Variants in AMN1 observed in about 807,000 individuals in gnomAD.
AMN1 encodes protein AMN1 homolog.
In AMN1, 20 loss-of-function variants were observed where a neutral mutation model predicts 33.0. The observed-to-expected ratio is 0.61, with a 90% CI of 0.43 to 0.88. The LOEUF is 0.88. Among genes scored for constraint, AMN1 ranks in the 40% least tolerant of loss-of-function variants. The pLI, the probability that AMN1 is intolerant of heterozygous loss-of-function variation, is 0.00. For synonymous variants in AMN1, 114 were observed against 111.9 expected (o/e 1.02, Z -0.12); for missense variants, 246 against 307.4 (o/e 0.80, Z 1.49).
Position 31,687,227 on chromosome 12 carries a change from T to A in AMN1, c.703+1780A>T, listed in dbSNP as rs1938303300. ...CTTAAGAAATGTCTTTGCATAAAGA[T>A]CTAATCTTCACTACAGATGTCACTG... On this transcript the variant is annotated intron_variant, in intron 6 of 6. Transcript: ENST00000281471. This position sits in a 1 kb window ranked among gnomAD's most constrained non-coding sequence, Gnocchi z 4.1. Among the ~76,000 whole-genome samples, 3 of 152,146 alleles carry A rather than the reference T, an allele frequency of 2.0e-5. No individual in the cohort carries two copies. The highest frequency in any genetic ancestry group is 7.2e-5 in the African/African-American group (3 of 41,432).
In AMN1 at chr12:31,697,429, GA is replaced by G; in HGVS notation, c.535-13del. 1 of 1,610,828 alleles carries G rather than the reference GA, an allele frequency of 6.2e-7. No homozygotes were observed. Among genetic ancestry groups the G allele is most frequent in the Non-Finnish European group, 8.5e-7 (1 of 1,178,608 alleles). ...CCACTGTCAGATACCTAAGCAAAGGGAAAAAGAAACACAGTCCATGAATCCA... is the reference window on the plus strand; with the variant it reads ...CCACTGTCAGATACCTAAGCAAAGGGAAAAGAAACACAGTCCATGAATCCA... On this transcript the variant is annotated splice_polypyrimidine_tract_variant and intron_variant, in intron 4 of 6. Coordinates refer to ENST00000281471, the MANE Select transcript of AMN1 (RefSeq NM_001113402.2).
intron 6 of AMN1, among the ~76,000 whole-genome samples, chr12:31,680,840 C>T (rs977751064): frequency 1.3e-5 from 2 of 151,900 alleles, no homozygotes; most frequent in African/African-American, 4.8e-5. Flanking sequence ...TGTGAGCAAC[C>T]ATATGAATAT....
At chr12:31,677,533 C>A (rs1368213685) in intron 6 of AMN1, among the ~76,000 whole-genome samples, 1 of 152,148 alleles carries the variant, frequency 6.6e-6, no homozygotes, top group Admixed American at 6.5e-5. Flanking sequence ...GTGGGGCAAG[C>A]CACTTAAATC....
At chr12:31,708,621 CT>C in intron 2 of AMN1, 1 of 159,876 alleles carries the variant, frequency 6.3e-6, no homozygotes, top group South Asian at 1.8e-4. Context: ...CATTCCTCCC[CT>C]TTTGAAATCC....
At chr12:31,682,830 C>T (rs1040835171) in intron 6 of AMN1, among the ~76,000 whole-genome samples, 2 of 152,126 alleles carry the variant, frequency 1.3e-5, no homozygotes, top group Non-Finnish European at 2.9e-5. Context: ...CCAGCATTTA[C>T]CAACTGTGAT....
chr12:31,714,111 A>C (rs536578016), intron 1 of AMN1, among the ~76,000 whole-genome samples: 1 of 152,270 alleles, frequency 6.6e-6, no homozygotes, highest in East Asian at 1.9e-4. Context: ...ATATTATTAT[A>C]TTCTCAAAGC....
At chr12:31,689,177 G>A (rs1031751556) in intron 5 of AMN1, 59 bp from the exon 6 acceptor site, 10 of 1,141,112 alleles carry the variant, frequency 8.8e-6, no homozygotes, top group Non-Finnish European at 1.0e-5. Context: ...ATAACAGTAT[G>A]AACAATTTTG....
At chr12:31,695,857 C>CA (rs1439414079) in intron 5 of AMN1, among the ~76,000 whole-genome samples, 4 of 151,856 alleles carry the variant, frequency 2.6e-5, no homozygotes, top group East Asian at 3.9e-4. Context: ...TATAAAATCA[C>CA]AAAAAAGAAT....
chr12:31,673,683 G>T, intron 6 of AMN1: 1 of 413,544 alleles, frequency 2.4e-6, no homozygotes, highest in South Asian at 1.8e-5. Context: ...AAAGAAAACT[G>T]CAGACAAGGA....
At chr12:31,691,811 C>T (rs1378802388) in intron 5 of AMN1, among the ~76,000 whole-genome samples, 1 of 152,152 alleles carries the variant, frequency 6.6e-6, no homozygotes, top group African/African-American at 2.4e-5. Context: ...ATAGTGGTTA[C>T]TTCTGAAGGC....
At chr12:31,675,349 A>G (rs1318216230) in intron 6 of AMN1, among the ~76,000 whole-genome samples, 2 of 151,542 alleles carry the variant, frequency 1.3e-5, no homozygotes, top group Admixed American at 1.3e-4. Flanking sequence ...TGAGCCTGGG[A>G]GGCAGAGGTT....
intron 2 of AMN1, chr12:31,708,877 T>C (rs1414954615): frequency 1.7e-5 from 5 of 299,464 alleles, no homozygotes; most frequent in Non-Finnish European, 2.6e-5. Context: ...CCTTATACTT[T>C]ATAATATTCT....
intron 5 of AMN1, among the ~76,000 whole-genome samples, chr12:31,690,910 TG>T (rs1938469961): frequency 6.6e-6 from 1 of 151,814 alleles, no homozygotes; most frequent in African/African-American, 2.4e-5. Context: ...CCAGGGTGGG[TG>T]GATCATGAGG....
At chr12:31,681,562 G>T (rs1299963186) in intron 6 of AMN1, among the ~76,000 whole-genome samples, 1 of 151,962 alleles carries the variant, frequency 6.6e-6, no homozygotes, top group Non-Finnish European at 1.5e-5. Context: ...ATCTCTCAAT[G>T]TTATGATAAT....
intron 1 of AMN1, among the ~76,000 whole-genome samples, chr12:31,720,761 T>C (rs1391363529): frequency 6.6e-6 from 1 of 152,246 alleles, no homozygotes; most frequent in Non-Finnish European, 1.5e-5. Context: ...TTTTTACAGC[T>C]GAATAACATT....
intron 6 of AMN1, among the ~76,000 whole-genome samples, chr12:31,676,895 T>C (rs920715210): frequency 3.8e-4 from 57 of 151,860 alleles, no homozygotes; most frequent in Admixed American, 1.3e-4. Context: ...ATAGAGTATT[T>C]AGGACTGTGG....
intron 6 of AMN1, among the ~76,000 whole-genome samples, chr12:31,686,559 T>G (rs1196968734): frequency 6.6e-6 from 1 of 152,172 alleles, no homozygotes; most frequent in African/African-American, 2.4e-5. Flanking sequence ...AAGTCGAAAA[T>G]GTGTTCAATA....
intron 1 of AMN1, among the ~76,000 whole-genome samples, chr12:31,723,199 TTGAC>T (rs1565783783): frequency 1.3e-5 from 2 of 152,010 alleles, no homozygotes; most frequent in Non-Finnish European, 2.9e-5. Context: ...AACACTGCCT[TTGAC>T]TGACACACAC....
At chr12:31,724,653 T>C (rs1939996865) in intron 1 of AMN1, among the ~76,000 whole-genome samples, 1 of 152,246 alleles carries the variant, frequency 6.6e-6, no homozygotes, top group African/African-American at 2.4e-5. Context: ...TATTTCAATA[T>C]GTTACCTTTT....
Sources: gnomAD v4.1 joint callset for allele counts (sites outside exome capture counted in the v4.1 genomes callset) on GRCh38, gnomAD v4.1.1 for gene constraint, Gnocchi (gnomAD v3.1) non-coding constraint, MANE v1.5 for transcripts, NCBI Gene and HGNC (gene_info 2026-07-23, HGNC 2026-07-21) for gene names.